MTMR8: variants seen among roughly 807,000 people sequenced by gnomAD.
MTMR8 encodes the protein myotubularin related protein 8, also known as phosphatidylinositol-3,5-bisphosphate 3-phosphatase MTMR8.
In MTMR8, 65 loss-of-function variants were observed where a neutral mutation model predicts 39.3. The observed-to-expected ratio is 1.65, with a 90% CI of 1.35 to 2.03. MTMR8 has a LOEUF of 2.03. Among genes scored for constraint, MTMR8 ranks in the 30% most tolerant of loss-of-function variants. The pLI is 0.00. For missense variants in MTMR8, 777 were observed against 538.9 expected (o/e 1.44, Z -4.37); for synonymous variants, 245 against 185.2 (o/e 1.32, Z -2.62).
At chrX:64,378,307 A>C (rs942148776) in intron 1 of MTMR8, among the ~76,000 whole-genome samples, 2 of 111,813 alleles carry the variant, frequency 1.8e-5, no homozygotes, top group Non-Finnish European at 3.8e-5. Context: ...TGCAGCCTCA[A>C]CCTCCTGGAC....
At chrX:64,302,627 T>C (rs1015558349) in intron 12 of MTMR8, among the ~76,000 whole-genome samples, 1 of 112,555 alleles carries the variant, frequency 8.9e-6, no homozygotes, top group Non-Finnish European at 1.9e-5. Context: ...CATTACAGGT[T>C]AGGAACCCAT....
chrX:64,283,417 A>T lies in MTMR8; in HGVS notation c.1482-12344T>A, dbSNP rs1348567606. ...CTGGGGGCAGGGTATAGCTGAACAA[A>T]AGGCAGCAGAAACCTCTGCAGATTT... On this transcript the variant is annotated intron_variant, in intron 12 of 13. Coordinates refer to ENST00000374852, the MANE Select transcript of MTMR8 (RefSeq NM_017677.4). Among the ~76,000 whole-genome samples the T allele has an allele frequency of 2.7e-5, 3 of 112,181 alleles. No individual in the cohort carries two copies. In the Middle Eastern group the frequency reaches 0.014, roughly 522 times the overall value.
chrX:64,271,195 A>G (rs1931752921), intron 12 of MTMR8, 122 bp from the exon 13 acceptor site: 1 of 681,477 alleles, frequency 1.5e-6, no homozygotes. Flanking sequence ...TGAGTACTGT[A>G]ATTTGATGAC....
In MTMR8 at chrX:64,344,919, C is replaced by A. The variant is rs954798148; in HGVS notation, c.865+126G>T. The stretch of plus-strand genomic sequence containing the variant: ...GCTAGATTTGTACAATAGTTAAACA[C>A]CTAACCACTTATTGACTCTGCTCAC... On this transcript the variant is annotated intron_variant, in intron 7 of 13. Transcript: ENST00000374852. The A allele has an allele frequency of 7.5e-6, 5 of 668,776 alleles. No individual in the cohort carries two copies. The Admixed American group carries it at 1.7e-4, about 23-fold the overall frequency. 55.1% of individuals were successfully genotyped at this position (668,776 alleles called of 1,213,427 possible). A position where few individuals can be genotyped will look rare whatever the true frequency, so the allele number is the denominator to read the frequency against.
intron 13 of MTMR8, 124 bp downstream of exon 13, chrX:64,270,823 T>A (rs1313760404): frequency 7.1e-5 from 53 of 750,176 alleles, no homozygotes; most frequent in Non-Finnish European, 9.5e-5. Flanking sequence ...ACGGGACACA[T>A]GAAAAGCCAA....
intron 12 of MTMR8, among the ~76,000 whole-genome samples, chrX:64,291,473 C>T (rs931681625): frequency 1.6e-4 from 18 of 110,912 alleles, no homozygotes; most frequent in African/African-American, 5.9e-4. Context: ...CTTCTGCGTG[C>T]TGGCCTCTAC....
intron 12 of MTMR8, among the ~76,000 whole-genome samples, chrX:64,273,989 A>T (rs778706717): frequency 8.9e-6 from 1 of 112,075 alleles, no homozygotes; most frequent in African/African-American, 3.2e-5. Context: ...AGGGAGAAAC[A>T]GACAGAAATA....
intron 12 of MTMR8, among the ~76,000 whole-genome samples, chrX:64,317,923 T>G (rs1189072885): frequency 1.8e-5 from 2 of 112,117 alleles, no homozygotes; most frequent in Non-Finnish European, 3.8e-5. Flanking sequence ...AAGTGGGGAT[T>G]CAGGCCCCCC....
At chrX:64,342,903 G>A (rs1200033352) in intron 8 of MTMR8, among the ~76,000 whole-genome samples, 5 of 111,664 alleles carry the variant, frequency 4.5e-5, no homozygotes, top group African/African-American at 9.8e-5. Flanking sequence ...AAAACAAAAC[G>A]TCAAAATGAG....
intron 12 of MTMR8, among the ~76,000 whole-genome samples, chrX:64,286,932 T>C (rs1214284104): frequency 9.0e-6 from 1 of 111,543 alleles, no homozygotes; most frequent in African/African-American, 3.3e-5. Flanking sequence ...TCACCACTCC[T>C]ATTCAACATA....
At chrX:64,353,195 G>A (rs1200749225) in intron 4 of MTMR8, among the ~76,000 whole-genome samples, 2 of 111,855 alleles carry the variant, frequency 1.8e-5, no homozygotes, top group East Asian at 5.6e-4. Flanking sequence ...AAGACTTCTC[G>A]AGTAAGACCT....
Position 64,268,590 on chromosome X carries a change from T to C in MTMR8, c.2062A>G (p.Thr688Ala), listed in dbSNP as rs1213818929. The change falls in exon 14 of 14, where the codon ACA (threonine) becomes GCA (alanine). Residue 688 changes from threonine to alanine, a missense_variant. Transcript: ENST00000374852. Reference sequence around the variant, plus strand: ...TTGGTGCTGGCCTTGGAGATGCCTGTGTCCCCCAAGATGCCCATGTCCCCA... The same window carrying C: ...TTGGTGCTGGCCTTGGAGATGCCTGCGTCCCCCAAGATGCCCATGTCCCCA... ...FSGDMGILGD[T>A]GISKASTKEA... The C allele has an allele frequency of 8.3e-6, 10 of 1,209,249 alleles. No homozygotes were observed. Among genetic ancestry groups the C allele is most frequent in the Non-Finnish European group, 1.1e-5 (10 of 895,011 alleles).
intron 12 of MTMR8, among the ~76,000 whole-genome samples, chrX:64,301,083 T>C (rs1412263144): frequency 9.4e-6 from 1 of 106,091 alleles, no homozygotes; most frequent in African/African-American, 3.4e-5. Context: ...AGGAGTATCT[T>C]TGTGGCGTTC....
At chrX:64,337,471 T>C (rs1393068866) in intron 8 of MTMR8, 78 bp from the exon 9 acceptor site, 1 of 1,071,789 alleles carries the variant, frequency 9.3e-7, no homozygotes, top group Non-Finnish European at 1.3e-6. Context: ...CCAAATACTG[T>C]CCCTAAAGCA....
chrX:64,367,329 T>C (rs1005398492), intron 1 of MTMR8, among the ~76,000 whole-genome samples: 1 of 111,707 alleles, frequency 9.0e-6, no homozygotes, highest in South Asian at 3.8e-4. Flanking sequence ...TAGACCAATA[T>C]CCCTGATGAA....
intron 12 of MTMR8, chrX:64,305,943 T>C (rs1922098400): frequency 9.7e-6 from 2 of 206,435 alleles, no homozygotes; most frequent in South Asian, 1.6e-4. Flanking sequence ...GGTGAGACCC[T>C]GTCTCTACAA....
At chrX:64,335,093 A>G (rs1173319554) in intron 10 of MTMR8, among the ~76,000 whole-genome samples, 1 of 111,386 alleles carries the variant, frequency 9.0e-6, no homozygotes, top group African/African-American at 3.3e-5. Flanking sequence ...TCAATGGGGG[A>G]AAATAAGACC....
chrX:64,347,631 GA>G (rs1395708963), intron 6 of MTMR8, among the ~76,000 whole-genome samples: 1 of 112,363 alleles, frequency 8.9e-6, no homozygotes, highest in Non-Finnish European at 1.9e-5. Flanking sequence ...AGGCTTAGAT[GA>G]AAATCACCAA....
intron 6 of MTMR8, among the ~76,000 whole-genome samples, chrX:64,347,070 G>A (rs1923365023): frequency 1.8e-5 from 2 of 110,876 alleles, no homozygotes; most frequent in African/African-American, 3.3e-5. Flanking sequence ...TATGGATAAA[G>A]GCTGAAAGCA....
Sources: gnomAD v4.1 joint callset for allele counts (sites outside exome capture counted in the v4.1 genomes callset) on GRCh38, gnomAD v4.1.1 for gene constraint, MANE v1.5 for transcripts, NCBI Gene and HGNC (gene_info 2026-07-23, HGNC 2026-07-21) for gene names.